The following GABPA variants were observed in gnomAD, a reference collection of about 807,000 sequenced individuals.
GABPA encodes the protein GA binding protein transcription factor subunit alpha.
GABPA carries 4 observed loss-of-function variants against 59.4 expected under a neutral mutation model. The observed-to-expected ratio is 0.07, with a 90% CI of 0.03 to 0.15. The LOEUF (loss-of-function observed/expected upper bound fraction) is 0.15, where lower values mean the gene tolerates loss of function less well. GABPA is among the 10% of genes least tolerant of loss of function. The probability of loss-of-function intolerance (pLI) is 1.00; values close to 1 mark genes in which losing one functional copy is unlikely to be tolerated. For missense variants in GABPA, 251 were observed against 543.8 expected (o/e 0.46, Z 5.36); for synonymous variants, 164 against 183.1 (o/e 0.90, Z 0.84).
At chr21:25,752,262 G>A in intron 5 of GABPA, 28 bp downstream of exon 5, 1 of 1,605,006 alleles carries the variant, frequency 6.2e-7, no homozygotes, top group East Asian at 2.2e-5. Flanking sequence ...TCTATATTGG[G>A]TAGAATAATA....
At chr21:25,752,367 T>C in intron 5 of GABPA, 133 bp downstream of exon 5, 1 of 966,212 alleles carries the variant, frequency 1.0e-6, no homozygotes, top group South Asian at 1.8e-5. Flanking sequence ...GTATCTCTCT[T>C]TTAATTGTAA....
intron 5 of GABPA, among the ~76,000 whole-genome samples, chr21:25,753,622 T>G (rs71651606): frequency 7.9e-5 from 12 of 152,150 alleles, no homozygotes; most frequent in Admixed American, 3.9e-4. Context: ...AATTTGATGA[T>G]CAGAGGATTA....
At chr21:25,765,397 A>G (rs1266593024) in intron 9 of GABPA, among the ~76,000 whole-genome samples, 2 of 151,960 alleles carry the variant, frequency 1.3e-5, no homozygotes, top group Non-Finnish European at 2.9e-5. Context: ...GAGTTTTTCT[A>G]AATAGCATGC....
chr21:25,743,701 T>C (rs1028899972), intron 2 of GABPA, among the ~76,000 whole-genome samples: 2 of 152,104 alleles, frequency 1.3e-5, no homozygotes, highest in African/African-American at 4.8e-5. Context: ...TATAAAGTAG[T>C]TCTTTAAAAA....
rs753363596 is a variant in GABPA at position 25,745,228 on chromosome 21, C to T, written c.96C>T (p.Tyr32=). The T allele has an allele frequency of 3.1e-6, 5 of 1,613,404 alleles. No homozygotes were observed. Among genetic ancestry groups the T allele is most frequent in the Non-Finnish European group, 3.4e-6 (4 of 1,179,886 alleles). ...CATTTAGCATTGTAGAACAAACCTA[C>T]GCGCCAGCTGAATGTGTAAGCCAGG... ...CTEESIVEQT[Y]APAECVSQAI... is the part of the protein sequence containing the mutation. The change falls in exon 3 of 10, where the codon TAC becomes TAT. Residue 32 remains tyrosine (Y), a synonymous_variant. Transcript: ENST00000400075.
chr21:25,760,543 C>T (rs1376291631), intron 6 of GABPA, among the ~76,000 whole-genome samples: 2 of 151,940 alleles, frequency 1.3e-5, no homozygotes, highest in East Asian at 1.9e-4. Context: ...ACATCCAAGT[C>T]CCACTATACA....
At chr21:25,749,007 ATAATCT>A in intron 3 of GABPA, 23 bp from the exon 4 acceptor site, 1 of 1,418,188 alleles carries the variant, frequency 7.1e-7, no homozygotes, top group East Asian at 2.3e-5. Context: ...TTGCACTGAA[ATAATCT>A]TACTCATTTT....
chr21:25,746,187 G>A (rs780540946), intron 3 of GABPA, among the ~76,000 whole-genome samples: 9 of 151,782 alleles, frequency 5.9e-5, no homozygotes, highest in East Asian at 1.9e-4. Context: ...GCTAATTTTC[G>A]TATTTTTAGT....
At chr21:25,748,593 A>G (rs1323370935) in intron 3 of GABPA, among the ~76,000 whole-genome samples, 1 of 152,034 alleles carries the variant, frequency 6.6e-6, no homozygotes, top group Non-Finnish European at 1.5e-5. Flanking sequence ...TTTAGAGTAA[A>G]CCCTTATCTT....
chr21:25,744,297 G>A (rs2123502295), intron 2 of GABPA, among the ~76,000 whole-genome samples: 1 of 152,092 alleles, frequency 6.6e-6, no homozygotes, highest in South Asian at 2.1e-4. Context: ...TTTGAGGCCG[G>A]CCTGGTGTGA....
At chr21:25,743,918 C>T (rs1221466100) in intron 2 of GABPA, among the ~76,000 whole-genome samples, 1 of 151,828 alleles carries the variant, frequency 6.6e-6, no homozygotes. Flanking sequence ...GTGGCGCATG[C>T]CTGTAGTCCC....
Position 25,763,872 on chromosome 21 carries a change from A to G in GABPA, c.803-338A>G, listed in dbSNP as rs368802040. 3.3e-5 allele frequency among the ~76,000 whole-genome samples: 5 copies of G among 152,276 alleles called. No homozygotes were observed. The South Asian group carries it at 8.3e-4, about 25-fold the overall frequency. Reference sequence around the variant, plus strand: ...TGTGAATTCTCATTTGTCCACATTTAGTACAATATATTTGACAAACCGTTT... The same window carrying G: ...TGTGAATTCTCATTTGTCCACATTTGGTACAATATATTTGACAAACCGTTT... On this transcript the variant is annotated intron_variant, in intron 7 of 9. Coordinates refer to ENST00000400075, the MANE Select transcript of GABPA (RefSeq NM_002040.4).
intron 1 of GABPA, 75 bp from the exon 2 acceptor site, chr21:25,741,498 T>G: frequency 1.6e-6 from 1 of 631,936 alleles, no homozygotes; most frequent in Non-Finnish European, 2.6e-6. Context: ...TTTATTTGGA[T>G]TGGGTCTCTA....
intron 4 of GABPA, among the ~76,000 whole-genome samples, chr21:25,750,640 T>C (rs1329067326): frequency 1.3e-5 from 2 of 152,354 alleles, no homozygotes; most frequent in East Asian, 3.9e-4. Context: ...TCTGAACATA[T>C]ATTGTTCACA....
chr21:25,735,040 A>C lies in GABPA; in HGVS notation c.-565A>C. 2 of 1,407,728 alleles carry C rather than the reference A, an allele frequency of 1.4e-6. No individual in the cohort carries two copies. The highest frequency in any genetic ancestry group is 2.5e-5 in the East Asian group (1 of 40,256). 87.2% of individuals were successfully genotyped at this position (1,407,728 alleles called of 1,614,324 possible). ...CTGCGACCGGACGGGTCTAGGTGAG[A>C]CAGAAGCCAAACAGGAGGAGGAAGT... On this transcript the variant is annotated 5_prime_UTR_variant, in exon 1 of 10. Coordinates refer to ENST00000400075, the MANE Select transcript of GABPA (RefSeq NM_002040.4).
At chr21:25,760,203 T>A (rs1376571427) in intron 6 of GABPA, among the ~76,000 whole-genome samples, 3 of 152,200 alleles carry the variant, frequency 2.0e-5, no homozygotes, top group Admixed American at 6.5e-5. Flanking sequence ...AATCTAGTGC[T>A]CAGTTCAGAA....
chr21:25,763,141 C>T (rs2035804717), intron 7 of GABPA: 2 of 495,280 alleles, frequency 4.0e-6, no homozygotes, highest in Non-Finnish European at 7.8e-6. Flanking sequence ...CATCTTTTAC[C>T]TCATGTTGCA....
At position 25,764,713 on chromosome 21, in the gene GABPA, A is replaced by G; in HGVS notation, c.1062A>G (p.Glu354=). 1 of 1,612,196 alleles carries G rather than the reference A, an allele frequency of 6.2e-7. No individual in the cohort carries two copies. The highest frequency in any genetic ancestry group is 8.5e-7 in the Non-Finnish European group (1 of 1,179,060). Residue 354 remains glutamate, a synonymous_variant, in exon 9 of 10, where the codon GAA becomes GAG. Transcript: ENST00000400075. ...DEGEFKLNQP[E]LVAQKWGQRK... The stretch of plus-strand genomic sequence containing the variant: ...GTGAATTTAAGCTAAATCAGCCTGA[A>G]CTGGTTGCACAGAAATGGGGACAGC...
intron 1 of GABPA, among the ~76,000 whole-genome samples, chr21:25,740,239 G>A (rs2035185605): frequency 1.3e-5 from 2 of 152,228 alleles, no homozygotes; most frequent in Non-Finnish European, 2.9e-5. Context: ...CAAAGCATTT[G>A]AATGCAGTGC....
Sources: allele counts gnomAD v4.1 joint callset (sites outside exome capture counted in the v4.1 genomes callset), GRCh38; gene constraint gnomAD v4.1.1; transcripts MANE v1.5; gene names NCBI Gene and HGNC (gene_info 2026-07-23, HGNC 2026-07-21).